The following MYO5B variants were observed in gnomAD, a reference collection of about 807,000 sequenced individuals.
MYO5B encodes unconventional myosin-Vb.
Under a neutral mutation model 229.3 loss-of-function variants are expected in MYO5B, and 143 were observed. That is an observed-to-expected ratio of 0.62 (90% CI 0.54 to 0.72). The LOEUF is 0.72. Among genes scored for constraint, MYO5B ranks in the 30% least tolerant of loss-of-function variants. MYO5B has a pLI of 0.00. For synonymous variants in MYO5B, 918 were observed against 885.2 expected (o/e 1.04, Z -0.66); for missense variants, 2,321 against 2,331.0 (o/e 1.00, Z 0.09).
At chr18:50,003,946 C>A (rs939324431) in intron 4 of MYO5B, among the ~76,000 whole-genome samples, 1 of 152,146 alleles carries the variant, frequency 6.6e-6, no homozygotes, top group African/African-American at 2.4e-5. Context: ...CAGGCTCCTG[C>A]GTCAACACAG....
intron 8 of MYO5B, among the ~76,000 whole-genome samples, chr18:49,984,036 G>A (rs1319777571): frequency 1.3e-5 from 2 of 152,144 alleles, no homozygotes; most frequent in Non-Finnish European, 2.9e-5. Flanking sequence ...CTGACTTCTC[G>A]AGCTTTCCTT....
chr18:50,133,375 C>T (rs1038201421), intron 1 of MYO5B, among the ~76,000 whole-genome samples: 1 of 152,276 alleles, frequency 6.6e-6, no homozygotes, highest in Non-Finnish European at 1.5e-5. Context: ...CTGCCTTAAA[C>T]GAGGCTAATG....
At chr18:49,884,377 A>G (rs2024620979) in intron 22 of MYO5B, among the ~76,000 whole-genome samples, 1 of 152,014 alleles carries the variant, frequency 6.6e-6, no homozygotes, top group African/African-American at 2.4e-5. Context: ...TTATTATTAC[A>G]TTGTAATATA....
chr18:50,099,827 C>T (rs577041537), intron 1 of MYO5B, among the ~76,000 whole-genome samples: 35 of 152,282 alleles, frequency 2.3e-4, no homozygotes, highest in South Asian at 4.2e-4. Flanking sequence ...CCAATGGGCA[C>T]CTGACATTAG....
At chr18:49,886,823 T>C (rs1457433719) in intron 22 of MYO5B, among the ~76,000 whole-genome samples, 3 of 152,056 alleles carry the variant, frequency 2.0e-5, no homozygotes, top group African/African-American at 4.8e-5. Context: ...TTCTGGCCCC[T>C]AGTATGACAC....
intron 22 of MYO5B, among the ~76,000 whole-genome samples, chr18:49,881,276 A>C (rs768610564): frequency 2.2e-4 from 33 of 152,120 alleles, no homozygotes; most frequent in Non-Finnish European, 1.2e-4. Context: ...ACAATGAACA[A>C]ATGATCTCTG....
Position 49,915,459 on chromosome 18 carries a change from T to C in MYO5B, c.2091-3286A>G, listed in dbSNP as rs116785456. ...CAAGGCCCTGCTCATCAGGTCCATG[T>C]GGATTCCCTTCAGAAGGAAGGGCGC... On this transcript the variant is annotated intron_variant, in intron 17 of 39. Coordinates refer to ENST00000285039, the MANE Select transcript of MYO5B (RefSeq NM_001080467.3). 3.3e-3 allele frequency among the ~76,000 whole-genome samples: 505 copies of C among 152,338 alleles called. 5 individuals carry two copies. The highest frequency in any genetic ancestry group is 0.01 in the African/African-American group (435 of 41,582).
At position 49,906,403 on chromosome 18, in the gene MYO5B, C is replaced by T. The variant is rs2024899744; in HGVS notation, c.2414+16G>A. On this transcript the variant is annotated intron_variant, in intron 19 of 39. Coordinates refer to ENST00000285039, the MANE Select transcript of MYO5B (RefSeq NM_001080467.3). ...CACCATGATCTGCTGCCCTGAGCTG[C>T]CACAGTCTGGCTCACCTGCGGGCCA... 5 of 1,613,386 alleles carry T rather than the reference C, an allele frequency of 3.1e-6. No homozygotes were observed. The East Asian group carries it at 1.1e-4, about 36-fold the overall frequency.
At chr18:49,875,202 A>G (rs2024504062) in intron 26 of MYO5B, among the ~76,000 whole-genome samples, 1 of 152,196 alleles carries the variant, frequency 6.6e-6, no homozygotes, top group Admixed American at 6.5e-5. Context: ...TAGACCCAAG[A>G]GGCTGCTGAT....
At chr18:49,960,110 T>C (rs534418670) in intron 12 of MYO5B, among the ~76,000 whole-genome samples, 4 of 152,154 alleles carry the variant, frequency 2.6e-5, no homozygotes, top group African/African-American at 7.2e-5. Flanking sequence ...CCACCCCATC[T>C]CCACACTTCT....
chr18:50,023,932 A>C (rs2026304014), intron 4 of MYO5B, among the ~76,000 whole-genome samples: 1 of 152,204 alleles, frequency 6.6e-6, no homozygotes, highest in Non-Finnish European at 1.5e-5. Flanking sequence ...AGAAAGAAAA[A>C]AAATCTTCAC....
At chr18:49,861,003 T>C (rs1261654804) in intron 29 of MYO5B, among the ~76,000 whole-genome samples, 1 of 152,180 alleles carries the variant, frequency 6.6e-6, no homozygotes, top group African/African-American at 2.4e-5. Flanking sequence ...GCAGCAATCA[T>C]GAACACTTCC....
At position 50,042,134 on chromosome 18, in the gene MYO5B, G is replaced by A. The variant is rs60808464; in HGVS notation, c.139-1820C>T. ...GGACAGATTGGTTTATCTCTGGAGG[G>A]CAGCAGGCAATACCTAAATCAGAAT... On this transcript the variant is annotated intron_variant, in intron 2 of 39. Transcript: ENST00000285039. Among the ~76,000 whole-genome samples, 320 of 152,248 alleles carry A rather than the reference G, an allele frequency of 2.1e-3. 3 individuals carry two copies. Among genetic ancestry groups the A allele is most frequent in the African/African-American group, 7.4e-3 (309 of 41,560 alleles).
chr18:50,145,461 G>A (rs1191671691), intron 1 of MYO5B, among the ~76,000 whole-genome samples: 1 of 117,806 alleles, frequency 8.5e-6, no homozygotes, highest in African/African-American at 3.3e-5. Flanking sequence ...TCACACCACT[G>A]CACTCCAGCC....
chr18:49,889,983 C>T (rs560680019), intron 22 of MYO5B, among the ~76,000 whole-genome samples: 2 of 152,286 alleles, frequency 1.3e-5, no homozygotes, highest in East Asian at 1.9e-4. Flanking sequence ...CTAAGCCATA[C>T]ATTAAAGTGG....
At chr18:50,108,374 G>T (rs573433703) in intron 1 of MYO5B, among the ~76,000 whole-genome samples, 29 of 152,342 alleles carry the variant, frequency 1.9e-4, no homozygotes, top group African/African-American at 7.0e-4. Flanking sequence ...ATATGTTCAT[G>T]TCCCTATGTG....
At chr18:49,980,410 T>C (rs755011664) in intron 9 of MYO5B, 34 bp downstream of exon 9, 3 of 1,431,678 alleles carry the variant, frequency 2.1e-6, no homozygotes, top group Non-Finnish European at 3.0e-6. Flanking sequence ...GTAAATTGTG[T>C]TCATTTTATC....
At chr18:49,862,348 TAAC>T (rs969739048) in intron 29 of MYO5B, among the ~76,000 whole-genome samples, 32 of 152,212 alleles carry the variant, frequency 2.1e-4, no homozygotes, top group East Asian at 7.7e-4. Context: ...AAGCAGATGA[TAAC>T]AACAGTATCA....
Position 49,877,768 on chromosome 18 carries a change from C to G in MYO5B, c.3391G>C (p.Val1131Leu). The change falls in exon 25 of 40, where the codon GTG becomes CTG. Residue 1131 changes from valine (V) to leucine (L), a missense_variant. Val to Leu is a conservative substitution (Grantham distance 32). Around this residue, in one of 2 missense-constraint regions of MYO5B, gnomAD observed 2,113 missense variants for 2,044.7 expected, o/e 1.03. Coordinates refer to ENST00000285039, the MANE Select transcript of MYO5B (RefSeq NM_001080467.3). Reference protein sequence around the residue: ...IGDTEDALQQVEEIGLEKAAM... With the variant: ...IGDTEDALQQLEEIGLEKAAM... ...CAAGAGCCTGCATCACTCACCTCCACCTGCTGGAGGGCATCCTCAGTGTCT... is the reference window on the plus strand; with the variant it reads ...CAAGAGCCTGCATCACTCACCTCCAGCTGCTGGAGGGCATCCTCAGTGTCT... 1 of 1,614,092 alleles carries G rather than the reference C, an allele frequency of 6.2e-7. No individual in the cohort carries two copies. Among genetic ancestry groups the G allele is most frequent in the African/African-American group, 1.3e-5 (1 of 75,044 alleles).
Sources: gnomAD v4.1 joint callset for allele counts (sites outside exome capture counted in the v4.1 genomes callset) on GRCh38, gnomAD v4.1.1 for gene constraint, gnomAD v4.1.1 regional missense constraint, MANE v1.5 for transcripts, NCBI Gene and HGNC (gene_info 2026-07-23, HGNC 2026-07-21) for gene names.